The following FNDC1 variants were observed in gnomAD, a reference collection of about 807,000 sequenced individuals.
FNDC1 encodes the protein fibronectin type III domain containing 1.
In FNDC1, 96 loss-of-function variants were observed where a neutral mutation model predicts 168.0. That is an observed-to-expected ratio of 0.57 (90% CI 0.48 to 0.68). FNDC1 has a LOEUF of 0.68. Among genes scored for constraint, FNDC1 ranks in the 30% least tolerant of loss-of-function variants. FNDC1 has a pLI of 0.00. For synonymous variants in FNDC1, 1,099 were observed against 1,025.9 expected, an observed-to-expected ratio of 1.07 and a Z score of -1.36; for missense variants, 2,587 against 2,482.1, an observed-to-expected ratio of 1.04 and a Z score of -0.90.
rs1384137205 is a variant in FNDC1 at position 159,169,679 on chromosome 6, C to A, written c.83C>A (p.Pro28His). 2 of 1,162,824 alleles carry A rather than the reference C, an allele frequency of 1.7e-6. No individual in the cohort carries two copies. Among genetic ancestry groups the A allele is most frequent in the South Asian group, 4.2e-5 (1 of 23,784 alleles). The allele number at this position is 1,162,824 out of a possible 1,614,324, so 72.0% of individuals were successfully genotyped here. The change falls in exon 1 of 23, where the codon CCC becomes CAC. Residue 28 changes from proline to histidine, a missense_variant. By Grantham distance (77) the Pro-to-His change is moderately conservative (BLOSUM62 -2). Coordinates refer to ENST00000297267, the MANE Select transcript of FNDC1 (RefSeq NM_032532.3). This position sits in a 1 kb window ranked among gnomAD's most constrained non-coding sequence, Gnocchi z 6.8. Reference sequence around the variant, plus strand: ...CTGCTGCTCTTGGCCGCGCTGCTCCCCGTCGCCTCCTCGGCGGCGGCCTCA... The same window carrying A: ...CTGCTGCTCTTGGCCGCGCTGCTCCACGTCGCCTCCTCGGCGGCGGCCTCA... ...AALLLLAALL[P>H]VASSAAASVD... is the part of the protein sequence containing the mutation.
chr6:159,268,885 T>G (rs1777649537), intron 22 of FNDC1, among the ~76,000 whole-genome samples: 1 of 150,840 alleles, frequency 6.6e-6, no homozygotes, highest in African/African-American at 2.5e-5. Flanking sequence ...ATCCTTATAT[T>G]TATAACTATC....
intron 19 of FNDC1, among the ~76,000 whole-genome samples, chr6:159,262,726 TCTC>T (rs1247215180): frequency 3.3e-5 from 5 of 152,206 alleles, no homozygotes; most frequent in Non-Finnish European, 7.3e-5. Flanking sequence ...TCTTCTACCT[TCTC>T]CTCCAAGAAA....
intron 9 of FNDC1, among the ~76,000 whole-genome samples, chr6:159,229,106 A>C (rs1275683628): frequency 6.6e-6 from 1 of 151,802 alleles, no homozygotes; most frequent in African/African-American, 2.4e-5. Flanking sequence ...TTTCCATGTG[A>C]GCATAAACAT....
chr6:159,269,277 T>C lies in FNDC1; in HGVS notation c.5569+1351T>C, dbSNP rs1284663986. Among the ~76,000 whole-genome samples the C allele has an allele frequency of 1.5e-3, 137 of 89,736 alleles. 5 individuals are homozygous for C. The highest frequency in any genetic ancestry group is 3.0e-3 in the Non-Finnish European group (100 of 33,208). 58.9% of individuals were successfully genotyped at this position (89,736 alleles called of 152,430 possible). A position where few individuals can be genotyped will look rare whatever the true frequency, so the allele number is the denominator to read the frequency against. On this transcript the variant is annotated intron_variant, in intron 22 of 22. Coordinates refer to ENST00000297267, the MANE Select transcript of FNDC1 (RefSeq NM_032532.3). Reference sequence around the variant, plus strand: ...TCTATCATCTATCTATCTATCTATCTATCTATCTATCTATCCATCCATCCA... The same window carrying C: ...TCTATCATCTATCTATCTATCTATCCATCTATCTATCTATCCATCCATCCA...
chr6:159,175,103 C>G (rs940929444), intron 1 of FNDC1, among the ~76,000 whole-genome samples: 1 of 152,014 alleles, frequency 6.6e-6, no homozygotes, highest in Non-Finnish European at 1.5e-5. Flanking sequence ...TACATGTGGA[C>G]GAAATGATTT....
At position 159,197,644 on chromosome 6, in the gene FNDC1, T is replaced by G. The variant is rs752714643; in HGVS notation, c.304+19T>G. 6.3e-7 allele frequency: 1 copy of G among 1,592,788 alleles called. No homozygotes were observed. The highest frequency in any genetic ancestry group is 2.3e-5 in the East Asian group (1 of 44,434). On this transcript the variant is annotated intron_variant, in intron 2 of 22. Coordinates refer to ENST00000297267, the MANE Select transcript of FNDC1 (RefSeq NM_032532.3). ...GATGTGGGTAAGTGACACTCTGATC[T>G]TGTTCCCAGTCAGAATTAACTGTGC... is the stretch of plus-strand genomic sequence containing the variant.
intron 18 of FNDC1, among the ~76,000 whole-genome samples, chr6:159,260,375 T>A (rs936854328): frequency 1.3e-5 from 2 of 152,218 alleles, no homozygotes; most frequent in African/African-American, 4.8e-5. Flanking sequence ...CGAGACTCAG[T>A]CTCTCTCCAG....
chr6:159,267,051 G>A (rs1266894665), intron 21 of FNDC1, among the ~76,000 whole-genome samples: 1 of 151,598 alleles, frequency 6.6e-6, no homozygotes, highest in Non-Finnish European at 1.5e-5. Context: ...TACCTCAGCT[G>A]GTCTACATTT....
intron 5 of FNDC1, chr6:159,218,604 A>G (rs1474380592): frequency 6.6e-6 from 1 of 152,246 alleles, no homozygotes; most frequent in Non-Finnish European, 1.5e-5. Context: ...CCTTGGTACT[A>G]CAGAGTGGTC....
At chr6:159,252,029 T>C (rs550253549) in intron 17 of FNDC1, among the ~76,000 whole-genome samples, 1 of 152,298 alleles carries the variant, frequency 6.6e-6, no homozygotes, top group Admixed American at 6.5e-5. Context: ...TGTTGGGTGC[T>C]TCCAGACAAA....
intron 1 of FNDC1, among the ~76,000 whole-genome samples, chr6:159,184,959 T>C (rs558372775): frequency 6.6e-6 from 1 of 151,970 alleles, no homozygotes; most frequent in East Asian, 1.9e-4. Context: ...GCATTTGCTC[T>C]TTAGGGCCTG....
intron 11 of FNDC1, among the ~76,000 whole-genome samples, chr6:159,235,687 G>C (rs577797302): frequency 3.9e-5 from 6 of 152,174 alleles, no homozygotes; most frequent in Non-Finnish European, 2.9e-5. Context: ...TCTTCTTACT[G>C]TCTGAGCAAA....
intron 16 of FNDC1, among the ~76,000 whole-genome samples, chr6:159,249,539 A>C (rs1486612104): frequency 6.6e-6 from 1 of 152,194 alleles, no homozygotes; most frequent in Non-Finnish European, 1.5e-5. Context: ...TTGTGTGTGT[A>C]CTGTCTGTTA....
intron 1 of FNDC1, among the ~76,000 whole-genome samples, chr6:159,175,635 C>T (rs1445011636): frequency 6.6e-6 from 1 of 152,184 alleles, no homozygotes; most frequent in East Asian, 1.9e-4. Flanking sequence ...TGAATGTAGC[C>T]TCTGTTACAA....
In FNDC1 at chr6:159,233,376, G is replaced by A. The variant is rs73799344; in HGVS notation, c.2864G>A (p.Ser955Asn). 15,704 of 1,613,710 alleles carry A rather than the reference G, an allele frequency of 9.7e-3. 1,406 individuals are homozygous for A. The African/African-American group carries it at 0.19, about 19-fold the overall frequency. Residue 955 changes from serine (S) to asparagine (N), a missense_variant, in exon 11 of 23, where the codon AGC (serine) becomes AAC (asparagine). Coordinates refer to ENST00000297267, the MANE Select transcript of FNDC1 (RefSeq NM_032532.3). This position sits in a 1 kb window ranked among gnomAD's most constrained non-coding sequence, Gnocchi z 4.6. ...TCCAAGGCTCAGGATGTTCAACAGA[G>A]CACAGACGCGGACACGGAGGGTCAT... is the stretch of plus-strand genomic sequence containing the variant. ...LASKAQDVQQ[S>N]TDADTEGHSP... is the part of the protein sequence containing the mutation.
rs1390221984 is a variant in FNDC1 at position 159,205,643 on chromosome 6, GA to G, written c.460+5064del. 2.0e-5 allele frequency among the ~76,000 whole-genome samples: 3 copies of G among 152,156 alleles called. No homozygotes were observed. The East Asian group carries it at 5.8e-4, about 29-fold the overall frequency. On this transcript the variant is annotated intron_variant, in intron 4 of 22. Coordinates refer to ENST00000297267, the MANE Select transcript of FNDC1 (RefSeq NM_032532.3). ...AAGAGGCTTCTAGGTTCCTTTCTAA[GA>G]ACTTTCTTAGGCTCCAAATTTCTTT...
At chr6:159,234,557 A>G (rs1783204565) in intron 11 of FNDC1, 78 bp downstream of exon 11, 8 of 1,397,054 alleles carry the variant, frequency 5.7e-6, no homozygotes, top group Non-Finnish European at 5.9e-6. Context: ...TTTTTATTCT[A>G]TTGCATTTAG....
In FNDC1 at chr6:159,267,896, T is replaced by A; in HGVS notation, c.5539T>A (p.Ser1847Thr). The change falls in exon 22 of 23, where the codon TCC becomes ACC. Residue 1847 changes from serine (S) to threonine (T), a missense_variant. Ser to Thr is a moderately conservative substitution (Grantham distance 58). Coordinates refer to ENST00000297267, the MANE Select transcript of FNDC1 (RefSeq NM_032532.3). ...SHLDGRTGPQ[S>T]YVEALPTIQG... ...CCTTGATGGAAGAACAGGGCCTCAG[T>A]CCTATGTAGAAGCCCTCCCTACTAT... The A allele has an allele frequency of 6.2e-7, 1 of 1,612,208 alleles. No individual in the cohort carries two copies. Among genetic ancestry groups the A allele is most frequent in the Admixed American group, 1.7e-5 (1 of 59,842 alleles).
intron 1 of FNDC1, among the ~76,000 whole-genome samples, chr6:159,195,803 A>T (rs1782231327): frequency 6.6e-6 from 1 of 152,364 alleles, no homozygotes; most frequent in Non-Finnish European, 1.5e-5. Flanking sequence ...TAGGTTTTAC[A>T]GTTCTCACAT....
Sources: gnomAD v4.1 joint callset for allele counts (sites outside exome capture counted in the v4.1 genomes callset) on GRCh38, gnomAD v4.1.1 for gene constraint, Gnocchi (gnomAD v3.1) non-coding constraint, MANE v1.5 for transcripts, NCBI Gene and HGNC (gene_info 2026-07-23, HGNC 2026-07-21) for gene names.